The following JMJD1C variants were observed in gnomAD, a reference collection of about 807,000 sequenced individuals.
JMJD1C encodes the protein jumonji domain containing 1C.
JMJD1C carries 31 observed loss-of-function variants against 245.3 expected under a neutral mutation model. The ratio of observed to expected loss-of-function variants is 0.13; its 90% confidence interval spans 0.09 to 0.17. JMJD1C has a LOEUF of 0.17. JMJD1C is among the 10% of genes least tolerant of loss of function. The probability of loss-of-function intolerance (pLI) is 1.00; values close to 1 mark genes in which losing one functional copy is unlikely to be tolerated. For missense variants in JMJD1C, 2,691 were observed against 3,000.2 expected (o/e 0.90, Z 2.41); for synonymous variants, 1,057 against 1,017.4 (o/e 1.04, Z -0.74).
chr10:63,458,455 G>A (rs560821470), intron 1 of JMJD1C, among the ~76,000 whole-genome samples: 5 of 151,288 alleles, frequency 3.3e-5, no homozygotes, highest in East Asian at 3.9e-4. Flanking sequence ...ACTGTACTCC[G>A]CCTGGGCAAC....
chr10:63,397,733 T>G (rs1299899879), intron 1 of JMJD1C, among the ~76,000 whole-genome samples: 1 of 151,992 alleles, frequency 6.6e-6, no homozygotes, highest in Non-Finnish European at 1.5e-5. Context: ...AAGGTCCTAC[T>G]ATGTTGCCCA....
Position 63,298,752 on chromosome 10 carries a change from G to C in JMJD1C, c.334-33988C>G, listed in dbSNP as rs559579628. On this transcript the variant is annotated intron_variant, in intron 2 of 25. Coordinates refer to ENST00000399262, the MANE Select transcript of JMJD1C (RefSeq NM_032776.3). ...ACATTCATTCTAATCTTTTTTTTTA[G>C]ACGGAGTTTTGCTCTTGCCGCCCAG... Among the ~76,000 whole-genome samples, 4 of 151,694 alleles carry C rather than the reference G, an allele frequency of 2.6e-5. No homozygotes were observed. The South Asian group carries it at 8.3e-4, about 32-fold the overall frequency.
chr10:63,389,477 C>A (rs1190376570), intron 1 of JMJD1C, among the ~76,000 whole-genome samples: 1 of 142,780 alleles, frequency 7.0e-6, no homozygotes, highest in African/African-American at 2.6e-5. Context: ...TTCCCAAAAA[C>A]TCACTGCATG....
chr10:63,270,565 C>T (rs1293619854), intron 2 of JMJD1C, among the ~76,000 whole-genome samples: 1 of 151,900 alleles, frequency 6.6e-6, no homozygotes. Flanking sequence ...CTCCTGGGCT[C>T]GAGCGATCCT....
chr10:63,313,156 T>A lies in JMJD1C; in HGVS notation c.334-48392A>T, dbSNP rs570856835. On this transcript the variant is annotated intron_variant, in intron 2 of 25. Transcript: ENST00000399262. The stretch of plus-strand genomic sequence containing the variant: ...ACTGTATGATTCTTATGCCTTTGCA[T>A]CCTCACAGCTTAGCTCCCACTTATG... 5.9e-5 allele frequency among the ~76,000 whole-genome samples: 9 copies of A among 152,302 alleles called. No homozygotes were observed. The East Asian group carries it at 1.7e-3, about 29-fold the overall frequency.
chr10:63,337,081 TC>T (rs1313458045), intron 2 of JMJD1C, among the ~76,000 whole-genome samples: 3 of 151,984 alleles, frequency 2.0e-5, no homozygotes, highest in Non-Finnish European at 4.4e-5. Flanking sequence ...CCTCAGGTGA[TC>T]CGTCCACCTT....
chr10:63,360,583 A>G (rs1392572042), intron 2 of JMJD1C, among the ~76,000 whole-genome samples: 1 of 152,196 alleles, frequency 6.6e-6, no homozygotes. Context: ...TAATTTAATG[A>G]AAATCCAACA....
At chr10:63,348,512 A>C (rs573072528) in intron 2 of JMJD1C, among the ~76,000 whole-genome samples, 1 of 152,340 alleles carries the variant, frequency 6.6e-6, no homozygotes, top group East Asian at 1.9e-4. Context: ...TGCCATTCAC[A>C]AACAGTAAAT....
At chr10:63,198,333 A>C (rs1845674545) in intron 12 of JMJD1C, among the ~76,000 whole-genome samples, 180 bp downstream of exon 12, 1 of 152,200 alleles carries the variant, frequency 6.6e-6, no homozygotes, top group African/African-American at 2.4e-5. Context: ...TGGTTAATTG[A>C]CTCAATTCAC....
intron 2 of JMJD1C, among the ~76,000 whole-genome samples, chr10:63,377,364 CCG>C (rs1235498951): frequency 6.6e-6 from 1 of 152,064 alleles, no homozygotes; most frequent in Admixed American, 6.6e-5. Context: ...TACCAATGAC[CCG>C]TGTACTCAAA....
chr10:63,419,050 C>G (rs1406241691), intron 1 of JMJD1C, among the ~76,000 whole-genome samples: 1 of 143,954 alleles, frequency 6.9e-6, no homozygotes, highest in Admixed American at 7.3e-5. Flanking sequence ...GCACTCCAAC[C>G]TGGGCAACAG....
At chr10:63,435,071 G>A (rs542910765) in intron 1 of JMJD1C, among the ~76,000 whole-genome samples, 12 of 152,190 alleles carry the variant, frequency 7.9e-5, no homozygotes, top group South Asian at 2.1e-4. Context: ...TGAACAATGC[G>A]CTCAAGTATT....
chr10:63,391,001 T>G (rs1370626165), intron 1 of JMJD1C, among the ~76,000 whole-genome samples: 1 of 152,068 alleles, frequency 6.6e-6, no homozygotes, highest in African/African-American at 2.4e-5. Context: ...GCCAGAGCAA[T>G]CAGGCAAAAT....
At chr10:63,240,361 C>A (rs1262506207) in intron 3 of JMJD1C, among the ~76,000 whole-genome samples, 1 of 151,858 alleles carries the variant, frequency 6.6e-6, no homozygotes, top group Non-Finnish European at 1.5e-5. Flanking sequence ...AATAGGAAAA[C>A]CTGAAGAGAA....
intron 3 of JMJD1C, among the ~76,000 whole-genome samples, chr10:63,243,467 G>A (rs1329210542): frequency 2.6e-5 from 4 of 151,904 alleles, no homozygotes; most frequent in Non-Finnish European, 4.4e-5. Context: ...CGGAAGTTGC[G>A]CTGAGCCGAG....
At chr10:63,370,856 A>G (rs1564843325) in intron 2 of JMJD1C, among the ~76,000 whole-genome samples, 2 of 152,232 alleles carry the variant, frequency 1.3e-5, no homozygotes, top group Non-Finnish European at 2.9e-5. Flanking sequence ...AAAATACTGA[A>G]TAACATCATT....
Position 63,217,200 on chromosome 10 carries a change from T to C in JMJD1C, c.678+7A>G, listed in dbSNP as rs374139637. 1.2e-6 allele frequency: 2 copies of C among 1,604,732 alleles called. No individual in the cohort carries two copies. Among genetic ancestry groups the C allele is most frequent in the African/African-American group, 2.7e-5 (2 of 74,478 alleles). ...ATCTCTATAAAAATATTAGTGGAACTATTTACCTGATCATTCATAACGATC... is the reference window on the plus strand; with the variant it reads ...ATCTCTATAAAAATATTAGTGGAACCATTTACCTGATCATTCATAACGATC... On this transcript the variant is annotated splice_region_variant and intron_variant, in intron 5 of 25. Coordinates refer to ENST00000399262, the MANE Select transcript of JMJD1C (RefSeq NM_032776.3).
Position 63,208,196 on chromosome 10 carries a change from C to T in JMJD1C, c.3473G>A (p.Gly1158Asp), listed in dbSNP as rs570688428. The T allele has an allele frequency of 3.5e-5, 53 of 1,504,744 alleles. 1 individual carries two copies. In the South Asian group the frequency reaches 5.6e-4, roughly 16 times the overall value. The allele number at this position is 1,504,744 out of a possible 1,614,324, so 93.2% of individuals were successfully genotyped here. The change falls in exon 10 of 26, where the codon GGT becomes GAT. Residue 1158 changes from glycine (G) to aspartate (D), a missense_variant. Physicochemically the swap from Gly to Asp is moderately conservative, Grantham distance 94. Coordinates refer to ENST00000399262, the MANE Select transcript of JMJD1C (RefSeq NM_032776.3). ...PLIKHQPESE[G>D]LVGKIPEHLP... is the part of the protein sequence containing the mutation. ...ATGTTCTGGTATCTTGCCTACTAAACCTTCACTTTCTGGTTGGTGTTTAAT... is the reference window on the plus strand; with the variant it reads ...ATGTTCTGGTATCTTGCCTACTAAATCTTCACTTTCTGGTTGGTGTTTAAT...
chr10:63,357,812 G>A (rs1006671657), intron 2 of JMJD1C, among the ~76,000 whole-genome samples: 2 of 106,554 alleles, frequency 1.9e-5, no homozygotes, highest in African/African-American at 7.0e-5. Flanking sequence ...AATGTCAAAA[G>A]ACACAGACAG....
Sources: allele counts gnomAD v4.1 joint callset (sites outside exome capture counted in the v4.1 genomes callset), GRCh38; gene constraint gnomAD v4.1.1; transcripts MANE v1.5; gene names NCBI Gene and HGNC (gene_info 2026-07-23, HGNC 2026-07-21).